The following PTPRR variants were observed in gnomAD, a reference collection of about 807,000 sequenced individuals.
PTPRR encodes the protein protein tyrosine phosphatase receptor type R.
PTPRR carries 38 observed loss-of-function variants against 77.2 expected under a neutral mutation model. That is an observed-to-expected ratio of 0.49 (90% CI 0.38 to 0.65). PTPRR has a LOEUF of 0.65. PTPRR is among the 30% of genes least tolerant of loss of function. The pLI, the probability that PTPRR is intolerant of heterozygous loss-of-function variation, is 0.00. For missense variants in PTPRR, 744 were observed against 799.2 expected (o/e 0.93, Z 0.83); for synonymous variants, 299 against 283.1 (o/e 1.06, Z -0.57).
chr12:70,817,049 T>C (rs1034031767), intron 2 of PTPRR, among the ~76,000 whole-genome samples: 4 of 152,144 alleles, frequency 2.6e-5, no homozygotes, highest in African/African-American at 7.2e-5. Flanking sequence ...CCAACACTAC[T>C]AGTACTGCTA....
intron 6 of PTPRR, among the ~76,000 whole-genome samples, chr12:70,704,779 AAAAAATC>A (rs1326193004): frequency 6.6e-6 from 1 of 152,134 alleles, no homozygotes; most frequent in Admixed American, 6.5e-5. Context: ...GAATTTAGAA[AAAAAATC>A]AACATAAATA....
At chr12:70,802,280 AAG>A (rs2137021306) in intron 2 of PTPRR, among the ~76,000 whole-genome samples, 1 of 152,344 alleles carries the variant, frequency 6.6e-6, no homozygotes, top group African/African-American at 2.4e-5. Context: ...CAACTTCGTA[AAG>A]AGTAATATTT....
chr12:70,864,447 G>A (rs768849730), intron 2 of PTPRR, among the ~76,000 whole-genome samples: 1 of 152,178 alleles, frequency 6.6e-6, no homozygotes, highest in Non-Finnish European at 1.5e-5. Flanking sequence ...GGGCCTGTGG[G>A]AGGCAGGCAC....
At chr12:70,715,007 T>C (rs1038553840) in intron 6 of PTPRR, among the ~76,000 whole-genome samples, 1 of 149,204 alleles carries the variant, frequency 6.7e-6, no homozygotes, top group Non-Finnish European at 1.5e-5. Context: ...CTTCTATATA[T>C]TGAGTATGCC....
intron 2 of PTPRR, among the ~76,000 whole-genome samples, chr12:70,792,056 T>C (rs558731380): frequency 9.3e-4 from 142 of 152,290 alleles, no homozygotes; most frequent in African/African-American, 2.7e-3. Context: ...TGATTCAAAG[T>C]CAGACTGGGT....
At chr12:70,658,137 C>A (rs1182098248) in intron 12 of PTPRR, among the ~76,000 whole-genome samples, 1 of 152,182 alleles carries the variant, frequency 6.6e-6, no homozygotes, top group East Asian at 1.9e-4. Flanking sequence ...TGTCTTCCCT[C>A]CCGTGTGCCA....
At chr12:70,730,274 G>A (rs1369460652) in intron 6 of PTPRR, among the ~76,000 whole-genome samples, 2 of 152,322 alleles carry the variant, frequency 1.3e-5, no homozygotes, top group South Asian at 4.1e-4. Flanking sequence ...ACTTTGGGAG[G>A]CCAAGGCAGG....
chr12:70,768,335 C>T lies in PTPRR; in HGVS notation c.358-3557G>A, dbSNP rs534588467. Among the ~76,000 whole-genome samples, 16 of 152,208 alleles carry T rather than the reference C, an allele frequency of 1.1e-4. No homozygotes were observed. In the East Asian group the frequency reaches 1.5e-3, roughly 15 times the overall value. The stretch of plus-strand genomic sequence containing the variant: ...AAAATGATAAAGGGGATATCACCAT[C>T]GATCCCACAGAAATACAAACTACCA... On this transcript the variant is annotated intron_variant, in intron 2 of 13. Transcript: ENST00000283228.
intron 11 of PTPRR, 52 bp from the exon 12 acceptor site, chr12:70,661,149 T>C: frequency 5.1e-6 from 8 of 1,566,348 alleles, no homozygotes; most frequent in Non-Finnish European, 6.9e-6. Context: ...GAACTAAAAG[T>C]CATCCAAACC....
At chr12:70,709,380 C>CGGAA (rs1444859830) in intron 6 of PTPRR, among the ~76,000 whole-genome samples, 4 of 152,038 alleles carry the variant, frequency 2.6e-5, no homozygotes, top group Admixed American at 2.0e-4. Context: ...GGGCAAAAGC[C>CGGAA]GGAAGCATTC....
intron 4 of PTPRR, among the ~76,000 whole-genome samples, chr12:70,755,392 T>C (rs1318905696): frequency 2.0e-5 from 3 of 152,130 alleles, no homozygotes; most frequent in Non-Finnish European, 4.4e-5. Flanking sequence ...TTTTAAGGCT[T>C]TTAAAAAATA....
Position 70,920,366 on chromosome 12 carries a change from C to G in PTPRR, c.25G>C (p.Ala9Pro). Reference protein sequence around the residue: MRRAVCFPALCLLLNLHAA... With the variant: MRRAVCFPPLCLLLNLHAA... ...TGAAGATTAAGGAGCAGGCACAGCG[C>G]AGGGAAGCAGACTGCTCTCCGCATA... Residue 9 changes from alanine (A) to proline (P), a missense_variant, in exon 1 of 14, where the codon GCG (alanine) becomes CCG (proline). Ala to Pro is a conservative substitution (Grantham distance 27). Transcript: ENST00000283228. The G allele has an allele frequency of 1.2e-6, 2 of 1,613,794 alleles. No individual in the cohort carries two copies. Among genetic ancestry groups the G allele is most frequent in the African/African-American group, 1.3e-5 (1 of 75,010 alleles).
intron 2 of PTPRR, among the ~76,000 whole-genome samples, chr12:70,858,284 A>T (rs1892687305): frequency 6.6e-6 from 1 of 152,126 alleles, no homozygotes; most frequent in African/African-American, 2.4e-5. Context: ...TTCCTTCTCA[A>T]GAATTTCCTC....
intron 2 of PTPRR, among the ~76,000 whole-genome samples, chr12:70,845,677 T>C (rs1892472809): frequency 6.6e-6 from 1 of 152,094 alleles, no homozygotes; most frequent in African/African-American, 2.4e-5. Flanking sequence ...TTGGATAAAA[T>C]GCCTAAGAAA....
intron 6 of PTPRR, among the ~76,000 whole-genome samples, chr12:70,734,032 A>C (rs549424833): frequency 8.5e-5 from 13 of 152,142 alleles, no homozygotes; most frequent in Non-Finnish European, 1.9e-4. Context: ...TGCAAGGAAA[A>C]ACCTCCTGAC....
At chr12:70,889,731 C>T (rs1388625153) in intron 2 of PTPRR, among the ~76,000 whole-genome samples, 1 of 152,060 alleles carries the variant, frequency 6.6e-6, no homozygotes, top group Admixed American at 6.6e-5. Context: ...CCTTCTCCCC[C>T]CGCTTCTTTT....
Position 70,914,789 on chromosome 12 carries a change from C to G in PTPRR, c.58+5544G>C, listed in dbSNP as rs573014850. On this transcript the variant is annotated intron_variant, in intron 1 of 13. Transcript: ENST00000283228. ...AGGGAGCCATGATTGCACCACTGCA[C>G]TCAAGCTTGGGCAACAGAGTGAGGC... 1.2e-4 allele frequency among the ~76,000 whole-genome samples: 19 copies of G among 152,216 alleles called. No homozygotes were observed. In the East Asian group the frequency reaches 1.4e-3, roughly 11 times the overall value.
chr12:70,864,932 C>A (rs1028539073), intron 2 of PTPRR, among the ~76,000 whole-genome samples: 1 of 152,152 alleles, frequency 6.6e-6, no homozygotes, highest in Non-Finnish European at 1.5e-5. Context: ...CTGCCTTAGC[C>A]TCCTGAGTAG....
chr12:70,837,994 C>T (rs1892333892), intron 2 of PTPRR, among the ~76,000 whole-genome samples: 1 of 152,114 alleles, frequency 6.6e-6, no homozygotes, highest in Middle Eastern at 3.2e-3. Flanking sequence ...AGACCACATA[C>T]ATATTTCACA....
Sources: gnomAD v4.1 joint callset for allele counts (sites outside exome capture counted in the v4.1 genomes callset) on GRCh38, gnomAD v4.1.1 for gene constraint, MANE v1.5 for transcripts, NCBI Gene and HGNC (gene_info 2026-07-23, HGNC 2026-07-21) for gene names.